TYW1B: variants seen among roughly 807,000 people sequenced by gnomAD.
TYW1B encodes the protein S-adenosyl-L-methionine-dependent tRNA 4-demethylwyosine synthase TYW1B.
Under a neutral mutation model 86.9 loss-of-function variants are expected in TYW1B, and 73 were observed. The ratio of observed to expected loss-of-function variants is 0.84; its 90% CI spans 0.70 to 1.02. TYW1B has a LOEUF of 1.02. Among genes scored for constraint, TYW1B ranks in the 50% least tolerant of loss-of-function variants. The probability of loss-of-function intolerance (pLI) is 0.00; values close to 1 mark genes in which losing one functional copy is unlikely to be tolerated. For missense variants in TYW1B, 637 were observed against 827.4 expected, an observed-to-expected ratio of 0.77 and a Z score of 2.82; for synonymous variants, 248 against 292.8, an observed-to-expected ratio of 0.85 and a Z score of 1.56.
At chr7:72,734,828 C>T (rs1787171523) in intron 8 of TYW1B, among the ~76,000 whole-genome samples, 1 of 101,096 alleles carries the variant, frequency 9.9e-6, no homozygotes, top group South Asian at 3.3e-4. Flanking sequence ...CTCAAAAGAA[C>T]ATATACAAGT....
chr7:72,786,582 T>C lies in TYW1B; in HGVS notation c.847-9049A>G, dbSNP rs1199846597. Reference sequence around the variant, plus strand: ...TTTTAAATTCTTTTTTCTTTTTTTTTTTTTTTTTTTTGAGATAGGGTCTCG... The same window carrying C: ...TTTTAAATTCTTTTTTCTTTTTTTTCTTTTTTTTTTTGAGATAGGGTCTCG... On this transcript the variant is annotated intron_variant, in intron 6 of 13. Coordinates refer to ENST00000620995, the MANE Select transcript of TYW1B (RefSeq NM_001145440.3). 4.1e-4 allele frequency among the ~76,000 whole-genome samples: 61 copies of C among 148,918 alleles called. 1 individual carries two copies. Among genetic ancestry groups the C allele is most frequent in the Non-Finnish European group, 6.1e-4 (41 of 67,122 alleles).
intron 11 of TYW1B, among the ~76,000 whole-genome samples, chr7:72,654,521 A>G (rs1813151104): frequency 6.6e-6 from 1 of 152,240 alleles, no homozygotes; most frequent in Non-Finnish European, 1.5e-5. Flanking sequence ...ATCCTGGAAT[A>G]TAAAAGGGGC....
At chr7:72,725,944 T>C (rs1786991175) in intron 9 of TYW1B, among the ~76,000 whole-genome samples, 1 of 152,134 alleles carries the variant, frequency 6.6e-6, no homozygotes, top group African/African-American at 2.4e-5. Flanking sequence ...TCTGTTTTTC[T>C]GGAGAAGCCT....
At chr7:72,661,666 A>G (rs1813332999) in intron 11 of TYW1B, among the ~76,000 whole-genome samples, 1 of 151,044 alleles carries the variant, frequency 6.6e-6, no homozygotes, top group South Asian at 2.1e-4. Flanking sequence ...TGATTGCTAC[A>G]ATTCCCAACT....
chr7:72,814,946 G>A (rs534696123), intron 3 of TYW1B, among the ~76,000 whole-genome samples: 3 of 150,536 alleles, frequency 2.0e-5, no homozygotes, highest in African/African-American at 7.3e-5. Flanking sequence ...ACACATGCCT[G>A]TAAATCCCAG....
chr7:72,816,771 C>T (rs1300811971), intron 2 of TYW1B, among the ~76,000 whole-genome samples: 1 of 152,096 alleles, frequency 6.6e-6, no homozygotes, highest in Non-Finnish European at 1.5e-5. Flanking sequence ...AAGAAAAACC[C>T]CTGAACAATG....
intron 7 of TYW1B, among the ~76,000 whole-genome samples, chr7:72,760,469 G>GA (rs1787668480): frequency 6.6e-6 from 1 of 152,136 alleles, no homozygotes; most frequent in African/African-American, 2.4e-5. Flanking sequence ...ATCTCATGAT[G>GA]AAAATTCAAA....
intron 6 of TYW1B, among the ~76,000 whole-genome samples, chr7:72,784,235 C>G (rs1203900197): frequency 1.3e-5 from 2 of 152,074 alleles, no homozygotes; most frequent in Non-Finnish European, 2.9e-5. Context: ...TCAGGCTCCT[C>G]CTGACTCATG....
chr7:72,623,450 A>G (rs1489262999), intron 12 of TYW1B, among the ~76,000 whole-genome samples: 3 of 152,136 alleles, frequency 2.0e-5, no homozygotes, highest in Non-Finnish European at 4.4e-5. Context: ...TTTCCTTTTT[A>G]CCAAGCGCAC....
chr7:72,663,357 AT>A (rs1813380994), intron 11 of TYW1B, among the ~76,000 whole-genome samples: 2 of 152,124 alleles, frequency 1.3e-5, no homozygotes, highest in Non-Finnish European at 1.5e-5. Flanking sequence ...AGCAATGGTT[AT>A]TTTTTAAAAT....
chr7:72,774,063 A>C (rs1184272165), intron 7 of TYW1B, among the ~76,000 whole-genome samples: 6 of 112,898 alleles, frequency 5.3e-5, no homozygotes, highest in African/African-American at 2.0e-4. Flanking sequence ...ACTCCATCTC[A>C]AAAAAAAAAA....
chr7:72,624,208 C>G (rs1812288433), intron 12 of TYW1B, among the ~76,000 whole-genome samples: 1 of 152,174 alleles, frequency 6.6e-6, no homozygotes, highest in African/African-American at 2.4e-5. Context: ...TCCTATTGAA[C>G]AGGAAAAGCA....
chr7:72,747,184 T>C (rs545966386), intron 7 of TYW1B, among the ~76,000 whole-genome samples: 7 of 152,326 alleles, frequency 4.6e-5, no homozygotes, highest in South Asian at 4.1e-4. Context: ...GGGAGAGACC[T>C]GGGGAGGAAC....
chr7:72,802,219 C>G (rs6952471), intron 6 of TYW1B, among the ~76,000 whole-genome samples, 181 bp downstream of exon 6: 103,474 of 151,418 alleles, frequency 0.68, 36,258 homozygotes, highest in Non-Finnish European at 0.77. Flanking sequence ...TTTCACAGGC[C>G]TGAGAGGGGA....
chr7:72,775,346 G>A (rs1554470365), intron 7 of TYW1B, among the ~76,000 whole-genome samples: 1 of 152,000 alleles, frequency 6.6e-6, no homozygotes, highest in East Asian at 1.9e-4. Context: ...GAAACATGAA[G>A]AAAACTAAAC....
At chr7:72,737,683 TGGCTAAC>T (rs1787219556) in intron 8 of TYW1B, among the ~76,000 whole-genome samples, 1 of 152,214 alleles carries the variant, frequency 6.6e-6, no homozygotes. Context: ...CATAATCATA[TGGCTAAC>T]ATACTTTTGT....
At chr7:72,624,927 T>G (rs1812305801) in intron 12 of TYW1B, among the ~76,000 whole-genome samples, 1 of 151,886 alleles carries the variant, frequency 6.6e-6, no homozygotes, top group African/African-American at 2.4e-5. Flanking sequence ...AGCGTGGTGG[T>G]GTACACCTGT....
At chr7:72,588,141 G>A (rs1189971051) in intron 13 of TYW1B, among the ~76,000 whole-genome samples, 5 of 152,196 alleles carry the variant, frequency 3.3e-5, no homozygotes, top group African/African-American at 4.8e-5. Context: ...TAATAAGTAG[G>A]ATTCACATGG....
chr7:72,755,322 G>C (rs1787567398), intron 7 of TYW1B, among the ~76,000 whole-genome samples: 1 of 152,216 alleles, frequency 6.6e-6, no homozygotes, highest in South Asian at 2.1e-4. Flanking sequence ...AGGAGGCTGA[G>C]TTGGGAGGAT....
Sources: allele counts gnomAD v4.1 joint callset (sites outside exome capture counted in the v4.1 genomes callset), GRCh38; gene constraint gnomAD v4.1.1; transcripts MANE v1.5; gene names NCBI Gene and HGNC (gene_info 2026-07-23, HGNC 2026-07-21).